POLD3: variants seen among roughly 807,000 people sequenced by gnomAD.
POLD3 encodes DNA polymerase delta subunit 3.
Under a neutral mutation model 58.2 loss-of-function variants are expected in POLD3, and 19 were observed. That is an observed-to-expected ratio of 0.33 (90% CI 0.23 to 0.48). POLD3 has a LOEUF of 0.48. Among genes scored for constraint, POLD3 ranks in the 20% least tolerant of loss-of-function variants. POLD3 has a pLI of 0.99. For synonymous variants in POLD3, 172 were observed against 193.5 expected, an observed-to-expected ratio of 0.89 and a Z score of 0.92; for missense variants, 504 against 545.5, an observed-to-expected ratio of 0.92 and a Z score of 0.76.
downstream of POLD3, among the ~76,000 whole-genome samples, chr11:74,643,821 C>G (rs1432829777): frequency 6.6e-6 from 1 of 152,174 alleles, no homozygotes; most frequent in African/African-American, 2.4e-5. Flanking sequence ...GATTTTGTAT[C>G]CATGATAGTA....
At chr11:74,607,246 ATT>A (rs67317243) in intron 3 of POLD3, among the ~76,000 whole-genome samples, 35,617 of 141,806 alleles carry the variant, frequency 0.25, 5,309 homozygotes, top group African/African-American at 0.42. Flanking sequence ...ATTATTATAT[ATT>A]TATTTATTTA....
chr11:74,626,668 T>C (rs2032441847), intron 8 of POLD3, among the ~76,000 whole-genome samples: 1 of 152,238 alleles, frequency 6.6e-6, no homozygotes, highest in Non-Finnish European at 1.5e-5. Flanking sequence ...TTATGAGGTC[T>C]ACAGGTCAGT....
intron 2 of POLD3, among the ~76,000 whole-genome samples, chr11:74,599,609 A>C (rs925079348): frequency 1.3e-5 from 2 of 149,084 alleles, no homozygotes; most frequent in South Asian, 4.3e-4. Context: ...CAATCTGCCC[A>C]CCTCGGCCTC....
rs371226820 is a variant in POLD3 at position 74,637,154 on chromosome 11, A to AT, written c.1198+890dup. Among the ~76,000 whole-genome samples, 451 of 147,856 alleles carry AT rather than the reference A, an allele frequency of 3.1e-3. 2 individuals are homozygous for AT. Among genetic ancestry groups the AT allele is most frequent in the African/African-American group, 9.7e-3 (394 of 40,630 alleles). On this transcript the variant is annotated intron_variant, in intron 11 of 11. Coordinates refer to ENST00000263681, the MANE Select transcript of POLD3 (RefSeq NM_006591.3). ...GAGAAGATTATTTTCCCTGTTACTG[A>AT]TTTTTTTTTTTCCTAGTTCAGACTT...
chr11:74,600,063 A>G (rs1182603708), intron 2 of POLD3, among the ~76,000 whole-genome samples: 1 of 151,108 alleles, frequency 6.6e-6, no homozygotes, highest in African/African-American at 2.4e-5. Flanking sequence ...CTCCTGCCTC[A>G]GCCTCCCGAG....
chr11:74,663,053 G>A (rs2033224602), intron 4 of POLD3, among the ~76,000 whole-genome samples: 1 of 152,166 alleles, frequency 6.6e-6, no homozygotes, highest in African/African-American at 2.4e-5. Flanking sequence ...GGTGATTCAA[G>A]ACTATAATTT....
At chr11:74,609,498 A>G (rs1297334737) in intron 3 of POLD3, among the ~76,000 whole-genome samples, 1 of 147,294 alleles carries the variant, frequency 6.8e-6, no homozygotes, top group Admixed American at 6.8e-5. Context: ...TCTCCACCTC[A>G]GCCTCCCGAG....
At chr11:74,639,887 C>G (rs2032864011) in intron 11 of POLD3, among the ~76,000 whole-genome samples, 1 of 152,186 alleles carries the variant, frequency 6.6e-6, no homozygotes, top group South Asian at 2.1e-4. Context: ...CGTGTGTCAT[C>G]CGATAGCATT....
intron 2 of POLD3, among the ~76,000 whole-genome samples, chr11:74,596,186 CTTT>C (rs1158780095): frequency 3.9e-5 from 5 of 126,922 alleles, no homozygotes; most frequent in Admixed American, 8.0e-5. Context: ...TTTTTTTTTT[CTTT>C]TTTTTTTTTT....
chr11:74,637,435 C>CTTTTT (rs5792663), intron 11 of POLD3, among the ~76,000 whole-genome samples: 2 of 115,476 alleles, frequency 1.7e-5, no homozygotes, highest in African/African-American at 6.7e-5. Flanking sequence ...CTTTTTCTTC[C>CTTTTT]TTTTTTTTTT....
intron 2 of POLD3, among the ~76,000 whole-genome samples, chr11:74,601,025 A>T (rs1470335218): frequency 4.6e-5 from 7 of 152,122 alleles, no homozygotes; most frequent in Admixed American, 4.6e-4. Flanking sequence ...AGCCACAAGA[A>T]TTGTTTTTTA....
Position 74,636,260 on chromosome 11 carries a change from G to A in POLD3, c.1183G>A (p.Gly395Arg). 5.0e-6 allele frequency: 8 copies of A among 1,612,864 alleles called. No individual in the cohort carries two copies. The highest frequency in any genetic ancestry group is 6.8e-6 in the Non-Finnish European group (8 of 1,178,950). The stretch of plus-strand genomic sequence containing the variant: ...ACTAAAATCTAAAACTTACCTGGAT[G>A]GGGAAGGCTGCATAGGTAAGACAAA... The part of the protein sequence containing the change: ...RVLKSKTYLD[G>R]EGCIVTEKVY... The change falls in exon 11 of 12, where the codon GGG becomes AGG. Residue 395 changes from glycine to arginine, a missense_variant. This residue lies in a region of POLD3 where 385 missense variants were observed against 370.5 expected (regional missense o/e 1.04). Coordinates refer to ENST00000263681, the MANE Select transcript of POLD3 (RefSeq NM_006591.3).
chr11:74,610,266 A>G (rs561143462), intron 3 of POLD3, among the ~76,000 whole-genome samples: 105 of 148,176 alleles, frequency 7.1e-4, no homozygotes, highest in African/African-American at 2.6e-3. Context: ...GCTGGAGTGC[A>G]GTGGCACGAT....
Position 74,612,899 on chromosome 11 carries a change from T to C in POLD3, c.281T>C (p.Val94Ala), listed in dbSNP as rs2031961184. ...GTAGCAGTGAAGTCCAAGCTAGCTGTGACTGCCAGCATCCATGTGTACAGC... is the reference window on the plus strand; with the variant it reads ...GTAGCAGTGAAGTCCAAGCTAGCTGCGACTGCCAGCATCCATGTGTACAGC... Reference protein sequence around the residue: ...KLEAVKSKLAVTASIHVYSIQ... With the variant: ...KLEAVKSKLAATASIHVYSIQ... Residue 94 changes from valine (V) to alanine (A), a missense_variant, in exon 5 of 12, where the codon GTG becomes GCG. Coordinates refer to ENST00000263681, the MANE Select transcript of POLD3 (RefSeq NM_006591.3). 1 of 1,613,140 alleles carries C rather than the reference T, an allele frequency of 6.2e-7. No individual in the cohort carries two copies. Among genetic ancestry groups the C allele is most frequent in the African/African-American group, 1.3e-5 (1 of 74,892 alleles).
chr11:74,599,807 G>A lies in POLD3; in HGVS notation c.117-4885G>A, dbSNP rs1241011996. Among the ~76,000 whole-genome samples the A allele has an allele frequency of 7.2e-5, 11 of 152,080 alleles. No individual in the cohort carries two copies. In the East Asian group the frequency reaches 1.7e-3, roughly 24 times the overall value. ...ATAATTAAGTTGGGTTAGAGAAAGC[G>A]GTATGGGCAATACACTGTACTCATC... On this transcript the variant is annotated intron_variant, in intron 2 of 11. Transcript: ENST00000263681.
chr11:74,643,658 T>G (rs1296296164), downstream of POLD3, among the ~76,000 whole-genome samples: 1 of 152,232 alleles, frequency 6.6e-6, no homozygotes, highest in Non-Finnish European at 1.5e-5. Flanking sequence ...CTGTAGAACT[T>G]GAGAATAGGG....
At chr11:74,601,962 T>C (rs969365380) in intron 2 of POLD3, among the ~76,000 whole-genome samples, 1 of 152,164 alleles carries the variant, frequency 6.6e-6, no homozygotes, top group Admixed American at 6.5e-5. Context: ...GAATGTTTCA[T>C]TAAGGATGAA....
intron 2 of POLD3, among the ~76,000 whole-genome samples, chr11:74,601,694 A>C (rs2031505245): frequency 6.6e-6 from 1 of 152,146 alleles, no homozygotes; most frequent in African/African-American, 2.4e-5. Context: ...AGGCTGAGGA[A>C]GGAGGATGGC....
chr11:74,613,068 A>G, intron 5 of POLD3, 58 bp downstream of exon 5: 1 of 1,510,376 alleles, frequency 6.6e-7, no homozygotes, highest in Middle Eastern at 1.7e-4. Context: ...TAAGATGTTT[A>G]CACAGTGGCT....
Sources: gnomAD v4.1 joint callset for allele counts (sites outside exome capture counted in the v4.1 genomes callset) on GRCh38, gnomAD v4.1.1 for gene constraint, gnomAD v4.1.1 regional missense constraint, MANE v1.5 for transcripts, NCBI Gene and HGNC (gene_info 2026-07-23, HGNC 2026-07-21) for gene names.